DNAH10: variants seen among roughly 807,000 people sequenced by gnomAD.
DNAH10 encodes the protein axonemal beta dynein heavy chain 10.
DNAH10 carries 348 observed loss-of-function variants against 506.6 expected under a neutral mutation model. The ratio of observed to expected loss-of-function variants is 0.69; its 90% CI spans 0.63 to 0.75. The LOEUF (loss-of-function observed/expected upper bound fraction) is 0.75. Among genes scored for constraint, DNAH10 ranks in the 30% least tolerant of loss-of-function variants. The probability of loss-of-function intolerance (pLI) is 0.00; values close to 1 mark genes in which losing one functional copy is unlikely to be tolerated. For synonymous variants in DNAH10, 2,059 were observed against 2,198.6 expected (o/e 0.94, Z 1.78); for missense variants, 5,179 against 5,787.1 (o/e 0.89, Z 3.41).
rs1241233347 is a variant in DNAH10, at chr12:123,879,876, CGGGTGCCCG to C, written c.8634+78_8634+86del. ...GGCCAAGCGGGAGCTGAGCATCGCG[CGGGTGCCCG>C]GGAGCCTATCACCTGGGGCTCTGTC... On this transcript the variant is annotated intron_variant, in intron 50 of 78. Transcript: ENST00000673944. 78 of 1,527,480 alleles carry C rather than the reference CGGGTGCCCG, an allele frequency of 5.1e-5. No individual in the cohort carries two copies. In the East Asian group the frequency reaches 1.3e-3, roughly 26 times the overall value. The allele number at this position is 1,527,480 out of a possible 1,614,324, so 94.6% of individuals were successfully genotyped here. A position where few individuals can be genotyped will look rare whatever the true frequency, so the allele number is the denominator to read the frequency against.
intron 73 of DNAH10, among the ~76,000 whole-genome samples, chr12:123,930,932 C>T (rs1368245219): frequency 6.6e-6 from 1 of 152,096 alleles, no homozygotes; most frequent in Non-Finnish European, 1.5e-5. Context: ...CACCTGTAAT[C>T]CCTTCTTTGG....
intron 26 of DNAH10, among the ~76,000 whole-genome samples, chr12:123,831,872 T>G (rs866700339): frequency 1.2e-4 from 18 of 148,048 alleles, no homozygotes; most frequent in African/African-American, 4.5e-4. Flanking sequence ...ACCACTGCAC[T>G]CCAGCCTGGG....
At chr12:123,871,033 C>T (rs983757595) in intron 44 of DNAH10, among the ~76,000 whole-genome samples, 18 of 152,114 alleles carry the variant, frequency 1.2e-4, no homozygotes, top group Non-Finnish European at 2.4e-4. Flanking sequence ...GTGAGACATC[C>T]CTGTTTTCTC....
At chr12:123,868,533 A>G (rs1951901522) in intron 43 of DNAH10, among the ~76,000 whole-genome samples, 1 of 152,270 alleles carries the variant, frequency 6.6e-6, no homozygotes, top group East Asian at 1.9e-4. Context: ...GTATTTGCAC[A>G]GTAGACAATC....
chr12:123,927,708 G>C (rs1191938825), intron 69 of DNAH10: 1 of 152,516 alleles, frequency 6.6e-6, no homozygotes, highest in Non-Finnish European at 1.5e-5. Context: ...CTGACTGCCA[G>C]TCCTGGCTTT....
intron 11 of DNAH10, 95 bp from the exon 12 acceptor site, chr12:123,793,847 C>A: frequency 9.7e-7 from 1 of 1,034,230 alleles, no homozygotes; most frequent in Non-Finnish European, 1.2e-6. Context: ...GAAATCTGTC[C>A]CAAACCACTG....
chr12:123,840,022 G>A (rs1199519214), intron 29 of DNAH10, among the ~76,000 whole-genome samples: 3 of 152,062 alleles, frequency 2.0e-5, no homozygotes, highest in African/African-American at 7.2e-5. Flanking sequence ...GGGGCTCTGA[G>A]CCTCGGCGCT....
In DNAH10 at chr12:123,774,209, A is replaced by G; in HGVS notation, c.566A>G (p.Glu189Gly). The change falls in exon 5 of 79, where the codon GAG becomes GGG. Residue 189 changes from glutamate to glycine, a missense_variant. Transcript: ENST00000673944. ...EAMEIMPETL[E>G]YGIINANVLH... Reference sequence around the variant, plus strand: ...ATGGAAATTATGCCAGAAACACTGGAGTATGGAATTATAAACGCTAATGTG... The same window carrying G: ...ATGGAAATTATGCCAGAAACACTGGGGTATGGAATTATAAACGCTAATGTG... 2 of 1,611,700 alleles carry G rather than the reference A, an allele frequency of 1.2e-6. No individual in the cohort carries two copies. Among genetic ancestry groups the G allele is most frequent in the South Asian group, 1.1e-5 (1 of 90,382 alleles).
rs190577222 is a variant in DNAH10, at chr12:123,799,178, C to T, written c.2164-68C>T. ...TATATTTATAATTTGTATAAATTAT[C>T]TGTGTAGAGCGAGATGAAAAATGTT... On this transcript the variant is annotated intron_variant, in intron 13 of 78. Coordinates refer to ENST00000673944, the MANE Select transcript of DNAH10 (RefSeq NM_001372106.1). 1.4e-3 allele frequency: 1,506 copies of T among 1,088,114 alleles called. 26 individuals carry two copies. The African/African-American group carries it at 0.022, about 16-fold the overall frequency. 67.4% of individuals were successfully genotyped at this position (1,088,114 alleles called of 1,614,324 possible). A position where few individuals can be genotyped will look rare whatever the true frequency, so the allele number is the denominator to read the frequency against.
chr12:123,880,723 C>T (rs529438548), intron 50 of DNAH10, among the ~76,000 whole-genome samples: 23 of 151,786 alleles, frequency 1.5e-4, no homozygotes, highest in South Asian at 2.1e-4. Flanking sequence ...CATACGTATA[C>T]ATGTGCCATG....
intron 66 of DNAH10, 142 bp from the exon 67 acceptor site, chr12:123,924,136 G>C: frequency 8.4e-7 from 1 of 1,191,414 alleles, no homozygotes; most frequent in South Asian, 1.7e-5. Flanking sequence ...TGGCGGTGAC[G>C]AGGGCAAGCC....
At chr12:123,923,174 T>C (rs1214078451) in intron 65 of DNAH10, 2 of 152,176 alleles carry the variant, frequency 1.3e-5, no homozygotes, top group Non-Finnish European at 2.9e-5. Flanking sequence ...GCAATAGAGG[T>C]TGGCAACCCC....
intron 21 of DNAH10, among the ~76,000 whole-genome samples, chr12:123,818,212 G>A (rs1471919280): frequency 1.3e-5 from 2 of 151,616 alleles, no homozygotes; most frequent in Non-Finnish European, 2.9e-5. Flanking sequence ...CTCCCAAAGT[G>A]CTGGGATTAC....
At chr12:123,832,056 A>C (rs536164148) in intron 26 of DNAH10, among the ~76,000 whole-genome samples, 1 of 152,220 alleles carries the variant, frequency 6.6e-6, no homozygotes, top group Non-Finnish European at 1.5e-5. Context: ...ACGTATATGC[A>C]TGTAGACACA....
chr12:123,901,709 G>A (rs1953528646), intron 56 of DNAH10, among the ~76,000 whole-genome samples: 1 of 152,130 alleles, frequency 6.6e-6, no homozygotes, highest in Admixed American at 6.5e-5. Context: ...CACCTAGGCT[G>A]GAGTGCAGTG....
In DNAH10 at chr12:123,902,935, G is replaced by A; in HGVS notation, c.9641-4G>A. On this transcript the variant is annotated splice_polypyrimidine_tract_variant and splice_region_variant and intron_variant, in intron 56 of 78. Transcript: ENST00000673944. The surrounding 1 kb of genome is among the most constrained non-coding windows in gnomAD (Gnocchi z 4.5). ...CTTTACTCACCCCCTGTCCTACCCT[G>A]CAGCCGAGGAGAAGAAGAAACTGGC... 1 of 1,577,922 alleles carries A rather than the reference G, an allele frequency of 6.3e-7. No homozygotes were observed. Among genetic ancestry groups the A allele is most frequent in the Non-Finnish European group, 8.6e-7 (1 of 1,162,336 alleles).
intron 30 of DNAH10, 31 bp downstream of exon 30, chr12:123,841,576 C>G: frequency 1.9e-6 from 3 of 1,580,530 alleles, no homozygotes; most frequent in African/African-American, 1.3e-5. Flanking sequence ...ATGCATTGCT[C>G]TATCCAATTC....
chr12:123,848,901 C>T lies in DNAH10; in HGVS notation c.6102+19C>T, dbSNP rs746119271. 6.2e-7 allele frequency: 1 copy of T among 1,611,996 alleles called. No homozygotes were observed. Among genetic ancestry groups the T allele is most frequent in the South Asian group, 1.1e-5 (1 of 90,572 alleles). Reference sequence around the variant, plus strand: ...GTTCCAGGTGAGACACATGAAGCCCCCGGGACCATGTCCCTAGGATGGAAG... The same window carrying T: ...GTTCCAGGTGAGACACATGAAGCCCTCGGGACCATGTCCCTAGGATGGAAG... On this transcript the variant is annotated intron_variant, in intron 34 of 78. Transcript: ENST00000673944.
At chr12:123,862,187 C>A (rs1379282439) in intron 39 of DNAH10, among the ~76,000 whole-genome samples, 1 of 152,082 alleles carries the variant, frequency 6.6e-6, no homozygotes, top group Non-Finnish European at 1.5e-5. Context: ...GGTTAAGGTG[C>A]CATTTTCCTC....
Sources: gnomAD v4.1 joint callset for allele counts (sites outside exome capture counted in the v4.1 genomes callset) on GRCh38, gnomAD v4.1.1 for gene constraint, Gnocchi (gnomAD v3.1) non-coding constraint, MANE v1.5 for transcripts, NCBI Gene and HGNC (gene_info 2026-07-23, HGNC 2026-07-21) for gene names.